HMCN1: variants seen among roughly 807,000 people sequenced by gnomAD.
HMCN1 encodes hemicentin 1.
Under a neutral mutation model 625.9 loss-of-function variants are expected in HMCN1, and 321 were observed. The ratio of observed to expected loss-of-function variants is 0.51; its 90% CI spans 0.47 to 0.56. The LOEUF is 0.56. Ranked by LOEUF, HMCN1 falls within the 20% of genes least tolerant of loss-of-function variation. The pLI is 0.00. For synonymous variants in HMCN1, 2,425 were observed against 2,417.6 expected (o/e 1.00, Z -0.09); for missense variants, 6,588 against 6,887.3 (o/e 0.96, Z 1.54).
rs1019000323 is a variant in HMCN1, at chr1:185,965,889, C to A, written c.2186C>A (p.Pro729His). The A allele has an allele frequency of 2.5e-6, 4 of 1,598,882 alleles. No individual in the cohort carries two copies. The highest frequency in any genetic ancestry group is 3.4e-6 in the Non-Finnish European group (4 of 1,166,312). Reference sequence around the variant, plus strand: ...ATGGAATGCAAAACCTCTGGTATTCCTCCACCTCAAGTTAAATGGTTCAAA... The same window carrying A: ...ATGGAATGCAAAACCTCTGGTATTCATCCACCTCAAGTTAAATGGTTCAAA... The part of the protein sequence containing the change: ...TVMECKTSGI[P>H]PPQVKWFKGD... The change falls in exon 14 of 107, where the codon CCT (proline) becomes CAT (histidine). Residue 729 changes from proline (P) to histidine (H), a missense_variant. Physicochemically the swap from Pro to His is moderately conservative, Grantham distance 77 (BLOSUM62 -2). Coordinates refer to ENST00000271588, the MANE Select transcript of HMCN1 (RefSeq NM_031935.3).
Position 186,000,092 on chromosome 1 carries a change from A to T in HMCN1, c.3922A>T (p.Thr1308Ser), listed in dbSNP as rs1327768403. 6.2e-7 allele frequency: 1 copy of T among 1,613,140 alleles called. No homozygotes were observed. Among genetic ancestry groups the T allele is most frequent in the East Asian group, 2.2e-5 (1 of 44,844 alleles). ...IKWLHNGREL[T>S]GREPGISILE... ...ATGGTTACACAATGGTAGAGAGTTG[A>T]CAGGCAGAGAGCCTGGCATTTCTAT... Residue 1308 changes from threonine (T) to serine (S), a missense_variant, in exon 26 of 107, where the codon ACA becomes TCA. Around this residue, in one of 3 missense-constraint regions of HMCN1, gnomAD observed 4,628 missense variants for 4,853.1 expected, o/e 0.95. Transcript: ENST00000271588.
At chr1:185,993,055 C>A in intron 22 of HMCN1, 127 bp from the exon 23 acceptor site, 1 of 824,496 alleles carries the variant, frequency 1.2e-6, no homozygotes, top group Non-Finnish European at 2.1e-6. Flanking sequence ...TATAGATGTA[C>A]ATTGCAGATG....
intron 4 of HMCN1, among the ~76,000 whole-genome samples, chr1:185,887,481 C>T (rs866707730): frequency 6.7e-6 from 1 of 150,342 alleles, no homozygotes; most frequent in South Asian, 2.1e-4. Flanking sequence ...CAACAGTCCC[C>T]AGAGTGTGAT....
rs187181839 is a variant in HMCN1, at chr1:186,189,123, A to T, written c.16542-389A>T. On this transcript the variant is annotated intron_variant, in intron 106 of 106. Transcript: ENST00000271588. ...TTTGTTTCACCTTTTAAACAGTGTT[A>T]GGATACTATATAATTAAAAAGTAGC... 2.9e-3 allele frequency among the ~76,000 whole-genome samples: 448 copies of T among 152,338 alleles called. 4 individuals are homozygous for T. The highest frequency in any genetic ancestry group is 0.01 in the African/African-American group (421 of 41,590).
At chr1:185,834,943 T>C (rs1661077443) in intron 1 of HMCN1, among the ~76,000 whole-genome samples, 1 of 152,044 alleles carries the variant, frequency 6.6e-6, no homozygotes, top group African/African-American at 2.4e-5. Flanking sequence ...ATAGAAAAAA[T>C]ATAAATAAAA....
chr1:186,016,140 G>A lies in HMCN1; in HGVS notation c.5092G>A (p.Glu1698Lys), dbSNP rs764296799. Residue 1698 changes from glutamate (E) to lysine (K), a missense_variant, in exon 32 of 107, where the codon GAA becomes AAA. By Grantham distance (56) the Glu-to-Lys change is moderately conservative (BLOSUM62 1). Around this residue, in one of 3 missense-constraint regions of HMCN1, gnomAD observed 4,628 missense variants for 4,853.1 expected, o/e 0.95. Transcript: ENST00000271588. ...CATAGAAGCTGGTGGGAAGAAACTC[G>A]AAATCATGAGTGCCCAAGAAATTGA... is the stretch of plus-strand genomic sequence containing the variant. ...IRIEAGGKKLEIMSAQEIDRG... is the reference protein window; with the variant it reads ...IRIEAGGKKLKIMSAQEIDRG... The A allele has an allele frequency of 1.9e-6, 3 of 1,613,402 alleles. No individual in the cohort carries two copies. Among genetic ancestry groups the A allele is most frequent in the South Asian group, 1.1e-5 (1 of 91,070 alleles).
chr1:186,090,364 CAG>C (rs1211172699), intron 63 of HMCN1, among the ~76,000 whole-genome samples: 1 of 151,900 alleles, frequency 6.6e-6, no homozygotes, highest in African/African-American at 2.4e-5. Flanking sequence ...TTTTATAAGA[CAG>C]AGTCTATAAG....
chr1:186,120,236 G>A, intron 80 of HMCN1, 91 bp downstream of exon 80: 6 of 1,369,612 alleles, frequency 4.4e-6, no homozygotes, highest in Admixed American at 2.0e-5. Context: ...TTATGCTGCT[G>A]TTCCCCCATA....
intron 21 of HMCN1, among the ~76,000 whole-genome samples, chr1:185,990,014 TA>T (rs1412814143): frequency 6.6e-6 from 1 of 152,150 alleles, no homozygotes; most frequent in Non-Finnish European, 1.5e-5. Flanking sequence ...GGTTTACTTT[TA>T]CAGATGTTAG....
rs977139633 is a variant in HMCN1, at chr1:186,001,340, C to T, written c.4112C>T (p.Ser1371Leu). Reference sequence around the variant, plus strand: ...GATAAAGAACAAGTTACAAATGTGTCGGTGTTGTTAAATCAGCTGACCAAT... The same window carrying T: ...GATAAAGAACAAGTTACAAATGTGTTGGTGTTGTTAAATCAGCTGACCAAT... ...IKDKEQVTNV[S>L]VLLNQLTNLF... The change falls in exon 27 of 107, where the codon TCG (serine) becomes TTG (leucine). Residue 1371 changes from serine to leucine, a missense_variant. Coordinates refer to ENST00000271588, the MANE Select transcript of HMCN1 (RefSeq NM_031935.3). 3.1e-6 allele frequency: 5 copies of T among 1,611,384 alleles called. No individual in the cohort carries two copies. Among genetic ancestry groups the T allele is most frequent in the African/African-American group, 2.7e-5 (2 of 74,776 alleles).
chr1:186,029,055 G>T lies in HMCN1; in HGVS notation c.5749+5902G>T, dbSNP rs549801764. On this transcript the variant is annotated intron_variant, in intron 36 of 106. Coordinates refer to ENST00000271588, the MANE Select transcript of HMCN1 (RefSeq NM_031935.3). ...CCATATAAAAGCATATGTTTTATAT[G>T]GAAACTACCTTGAGGACATCTGAAA... Among the ~76,000 whole-genome samples, 337 of 152,004 alleles carry T rather than the reference G, an allele frequency of 2.2e-3. 2 individuals carry two copies. Among genetic ancestry groups the T allele is most frequent in the Non-Finnish European group, 2.9e-3 (196 of 67,970 alleles).
chr1:186,145,865 C>T lies in HMCN1; in HGVS notation c.14550C>T (p.Gly4850=). Residue 4850 remains glycine, a synonymous_variant, in exon 93 of 107, where the codon GGC becomes GGT. Coordinates refer to ENST00000271588, the MANE Select transcript of HMCN1 (RefSeq NM_031935.3). The part of the protein sequence containing the change: ...LCDHPVPVKG[G]RPCPGDTTQV... ...ACCATCCTGTGCCAGTTAAAGGTGG[C>T]CGTCCCTGTCCCGGAGACACTACTC... 6.2e-7 allele frequency: 1 copy of T among 1,613,960 alleles called. No individual in the cohort carries two copies.
intron 54 of HMCN1, 129 bp from the exon 55 acceptor site, chr1:186,077,978 A>G: frequency 1.4e-6 from 1 of 692,788 alleles, no homozygotes; most frequent in Non-Finnish European, 2.6e-6. Context: ...TTAAAACTGA[A>G]CCATTGGATG....
At chr1:186,001,839 G>C in intron 28 of HMCN1, 98 bp downstream of exon 28, 3 of 1,011,780 alleles carry the variant, frequency 3.0e-6, no homozygotes, top group Non-Finnish European at 4.5e-6. Context: ...AAGATAAATT[G>C]ACAGAAAAAC....
intron 95 of HMCN1, among the ~76,000 whole-genome samples, chr1:186,151,969 TCTC>T (rs1277503225): frequency 6.6e-6 from 1 of 152,176 alleles, no homozygotes; most frequent in African/African-American, 2.4e-5. Flanking sequence ...GTTTTTCTCC[TCTC>T]CTCTTTTCTT....
chr1:186,154,742 C>T lies in HMCN1; in HGVS notation c.15256+755C>T, dbSNP rs74136051. 2.4e-3 allele frequency among the ~76,000 whole-genome samples: 361 copies of T among 152,218 alleles called. 3 individuals carry two copies. The highest frequency in any genetic ancestry group is 8.3e-3 in the African/African-American group (345 of 41,528). On this transcript the variant is annotated intron_variant, in intron 97 of 106. Transcript: ENST00000271588. ...TGTGCAGCAATAATCAGGATTCCAA[C>T]TGTCATTTCTTGTTCCTGGAAGTTA...
intron 44 of HMCN1, among the ~76,000 whole-genome samples, chr1:186,054,343 A>G (rs1456773695): frequency 6.6e-6 from 1 of 152,002 alleles, no homozygotes; most frequent in African/African-American, 2.4e-5. Context: ...TTTTACTCGT[A>G]TAAGATCTTA....
chr1:186,102,510 C>T (rs893674126), intron 68 of HMCN1, among the ~76,000 whole-genome samples: 3 of 152,064 alleles, frequency 2.0e-5, no homozygotes, highest in African/African-American at 7.2e-5. Flanking sequence ...ACTGACGCCA[C>T]ACACTGATCC....
intron 56 of HMCN1, 106 bp downstream of exon 56, chr1:186,081,500 T>C: frequency 1.3e-6 from 1 of 794,928 alleles, no homozygotes; most frequent in Non-Finnish European, 2.0e-6. Flanking sequence ...GTAAATATTA[T>C]ATTTGTAAAA....
Sources: allele counts gnomAD v4.1 joint callset (sites outside exome capture counted in the v4.1 genomes callset), GRCh38; gene constraint gnomAD v4.1.1; regional missense constraint gnomAD v4.1.1; transcripts MANE v1.5; gene names NCBI Gene and HGNC (gene_info 2026-07-23, HGNC 2026-07-21).